The following ARHGEF10 variants were observed in gnomAD, a reference collection of about 807,000 sequenced individuals.
ARHGEF10 encodes Rho guanine nucleotide exchange factor 10.
Under a neutral mutation model 147.4 loss-of-function variants are expected in ARHGEF10, and 140 were observed. The observed-to-expected ratio is 0.95, with a 90% CI of 0.83 to 1.09. The LOEUF is 1.09. ARHGEF10 is among the 50% of genes least tolerant of loss of function. The pLI is 0.00. For synonymous variants in ARHGEF10, 902 were observed against 695.8 expected, an observed-to-expected ratio of 1.30 and a Z score of -4.67; for missense variants, 2,222 against 1,752.7, an observed-to-expected ratio of 1.27 and a Z score of -4.78.
intron 9 of ARHGEF10, among the ~76,000 whole-genome samples, chr8:1,880,462 C>T (rs1307234034): frequency 6.6e-6 from 1 of 152,194 alleles, no homozygotes; most frequent in African/African-American, 2.4e-5. Flanking sequence ...CACAATGCCA[C>T]TTTCTGTTTG....
intron 2 of ARHGEF10, among the ~76,000 whole-genome samples, chr8:1,850,153 GC>G (rs1563174395): frequency 7.9e-6 from 1 of 125,908 alleles, no homozygotes; most frequent in African/African-American, 2.9e-5. Flanking sequence ...GTGTGGGGCG[GC>G]CACGTGGACA....
At chr8:1,926,557 G>A in intron 23 of ARHGEF10, 94 bp downstream of exon 23, 1 of 1,189,274 alleles carries the variant, frequency 8.4e-7, no homozygotes, top group Non-Finnish European at 1.2e-6. Flanking sequence ...TTGCTCAGTA[G>A]AGAGTTGGCG....
chr8:1,845,153 G>T (rs1447170804), intron 2 of ARHGEF10, among the ~76,000 whole-genome samples: 1 of 152,134 alleles, frequency 6.6e-6, no homozygotes, highest in Non-Finnish European at 1.5e-5. Flanking sequence ...AATAAAGGTG[G>T]AACATGAGGC....
At chr8:1,891,940 A>G (rs1280153648) in intron 11 of ARHGEF10, among the ~76,000 whole-genome samples, 2 of 150,178 alleles carry the variant, frequency 1.3e-5, no homozygotes, top group Non-Finnish European at 1.5e-5. Context: ...TAAAAAATAT[A>G]CATACATAAT....
chr8:1,876,381 C>T (rs1807702950), intron 7 of ARHGEF10, 190 bp from the exon 8 acceptor site: 1 of 644,276 alleles, frequency 1.6e-6, no homozygotes, highest in African/African-American at 1.8e-5. Context: ...CTCCCCGGCC[C>T]TGCCCGGGTG....
intron 18 of ARHGEF10, among the ~76,000 whole-genome samples, chr8:1,917,023 C>G (rs984670455): frequency 2.0e-5 from 3 of 152,236 alleles, no homozygotes; most frequent in Non-Finnish European, 4.4e-5. Flanking sequence ...TTTAAACTGA[C>G]TACAGGACGT....
At position 1,888,762 on chromosome 8, in the gene ARHGEF10, T is replaced by A. The variant is rs141567513; in HGVS notation, c.1182+3055T>A. 6.9e-3 allele frequency among the ~76,000 whole-genome samples: 193 copies of A among 27,902 alleles called. 25 individuals carry two copies. Among genetic ancestry groups the A allele is most frequent in the Middle Eastern group, 0.026 (1 of 38 alleles). 18.3% of individuals were successfully genotyped at this position (27,902 alleles called of 152,430 possible). A position where few individuals can be genotyped will look rare whatever the true frequency, so the allele number is the denominator to read the frequency against. The stretch of plus-strand genomic sequence containing the variant: ...TGAGGAGACACTGAATAGGGTGAGG[T>A]TTGTGAGGAGACACTGAGTGGGGTG... On this transcript the variant is annotated intron_variant, in intron 11 of 28. Coordinates refer to ENST00000349830, the MANE Select transcript of ARHGEF10 (RefSeq NM_014629.4).
intron 26 of ARHGEF10, among the ~76,000 whole-genome samples, chr8:1,939,422 G>A (rs536099345): frequency 6.6e-6 from 1 of 152,234 alleles, no homozygotes; most frequent in African/African-American, 2.4e-5. Flanking sequence ...AGGATGGCTG[G>A]GCTGCCAGCG....
chr8:1,910,925 C>T (rs560957447), intron 18 of ARHGEF10, among the ~76,000 whole-genome samples: 1 of 152,090 alleles, frequency 6.6e-6, no homozygotes, highest in African/African-American at 2.4e-5. Context: ...TCTTATTCAT[C>T]TTATTATTTA....
In ARHGEF10 at chr8:1,929,314, T is replaced by A; in HGVS notation, c.2950T>A (p.Ser984Thr). 1 of 1,614,092 alleles carries A rather than the reference T, an allele frequency of 6.2e-7. No individual in the cohort carries two copies. Among genetic ancestry groups the A allele is most frequent in the Non-Finnish European group, 8.5e-7 (1 of 1,180,014 alleles). The change falls in exon 25 of 29, where the codon TCC becomes ACC. Residue 984 changes from serine (S) to threonine (T), a missense_variant. Ser to Thr is a moderately conservative substitution (Grantham distance 58). Coordinates refer to ENST00000349830, the MANE Select transcript of ARHGEF10 (RefSeq NM_014629.4). ...SISIYKSSQG[S>T]KKVRLQHFFT... ...TTCCATTTATAAAAGCAGTCAAGGC[T>A]CCAAGAAAGTGAGACTTCAGCACTT...
At chr8:1,884,461 G>A (rs1808487814) in intron 10 of ARHGEF10, among the ~76,000 whole-genome samples, 1 of 151,716 alleles carries the variant, frequency 6.6e-6, no homozygotes. Flanking sequence ...CATAAAATGA[G>A]AGGCTTGGAC....
At chr8:1,928,319 C>G (rs1034312992) in intron 23 of ARHGEF10, 108 bp from the exon 24 acceptor site, 3 of 982,698 alleles carry the variant, frequency 3.1e-6, no homozygotes, top group Non-Finnish European at 4.9e-6. Context: ...TGTGTTGATT[C>G]TCACATGAAA....
intron 11 of ARHGEF10, among the ~76,000 whole-genome samples, chr8:1,893,211 A>G (rs1809695387): frequency 6.6e-6 from 1 of 152,020 alleles, no homozygotes; most frequent in South Asian, 2.1e-4. Flanking sequence ...GACTGGAACT[A>G]TTTTTTATCC....
chr8:1,903,715 C>G, intron 16 of ARHGEF10: 3 of 547,498 alleles, frequency 5.5e-6, no homozygotes. Context: ...TCCAGGACCT[C>G]CCAAGGGGTT....
At chr8:1,825,710 C>T (rs1310407472) in intron 1 of ARHGEF10, among the ~76,000 whole-genome samples, 2 of 152,106 alleles carry the variant, frequency 1.3e-5, no homozygotes, top group African/African-American at 4.8e-5. Context: ...CAGCAGTAGA[C>T]GAACTTGCTG....
intron 10 of ARHGEF10, among the ~76,000 whole-genome samples, chr8:1,884,767 G>A (rs1183706207): frequency 2.0e-5 from 3 of 152,000 alleles, no homozygotes; most frequent in Non-Finnish European, 4.4e-5. Context: ...GAATGTAGGC[G>A]TTTTCTTGTT....
chr8:1,919,965 G>A (rs1404785977), intron 18 of ARHGEF10, among the ~76,000 whole-genome samples: 12 of 149,394 alleles, frequency 8.0e-5, no homozygotes, highest in Non-Finnish European at 1.5e-5. Flanking sequence ...GGGTGATGGA[G>A]CTGTTCTGTG....
chr8:1,922,266 C>T (rs920329302), intron 18 of ARHGEF10, among the ~76,000 whole-genome samples: 1 of 149,678 alleles, frequency 6.7e-6, no homozygotes, highest in Admixed American at 6.6e-5. Context: ...TTTCTATTCC[C>T]TTAAAAAAAA....
chr8:1,850,103 G>C (rs1398800147), intron 2 of ARHGEF10, among the ~76,000 whole-genome samples: 2 of 124,170 alleles, frequency 1.6e-5, no homozygotes, highest in South Asian at 2.5e-4. Context: ...AGGAGGGCGT[G>C]GGCCGGCTGC....
Sources: allele counts gnomAD v4.1 joint callset (sites outside exome capture counted in the v4.1 genomes callset), GRCh38; gene constraint gnomAD v4.1.1; transcripts MANE v1.5; gene names NCBI Gene and HGNC (gene_info 2026-07-23, HGNC 2026-07-21).